FXR1: variants seen among roughly 807,000 people sequenced by gnomAD.
The protein encoded by FXR1 is RNA-binding protein FXR1.
FXR1 carries 15 observed loss-of-function variants against 84.0 expected under a neutral mutation model. That is an observed-to-expected ratio of 0.18 (90% CI 0.12 to 0.27). The LOEUF (loss-of-function observed/expected upper bound fraction) is 0.27, where lower values mean the gene tolerates loss of function less well. Ranked by LOEUF, FXR1 falls within the 10% of genes least tolerant of loss-of-function variation. FXR1 has a pLI of 1.00. For missense variants in FXR1, 480 were observed against 774.4 expected (o/e 0.62, Z 4.51); for synonymous variants, 245 against 250.7 (o/e 0.98, Z 0.21).
At chr3:180,954,649 A>T (rs1722559048) in intron 9 of FXR1, among the ~76,000 whole-genome samples, 1 of 152,154 alleles carries the variant, frequency 6.6e-6, no homozygotes, top group African/African-American at 2.4e-5. Context: ...AAGCATCAAG[A>T]TAATGTAGTG....
chr3:180,982,535 C>T lies in FXR1; in HGVS notation c.*6243C>T, dbSNP rs1011039446. On this transcript the variant is annotated 3_prime_UTR_variant, in exon 17 of 17. Coordinates refer to ENST00000357559, the MANE Select transcript of FXR1 (RefSeq NM_005087.4). ...CATTGTCTTAACACCTGTCTTAAAACGGGTATGTTGTTTGCACTGAACCCT... is the reference window on the plus strand; with the variant it reads ...CATTGTCTTAACACCTGTCTTAAAATGGGTATGTTGTTTGCACTGAACCCT... 1 of 152,082 alleles carries T rather than the reference C, an allele frequency of 6.6e-6. No homozygotes were observed. The highest frequency in any genetic ancestry group is 1.5e-5 in the Non-Finnish European group (1 of 67,972). The allele number at this position is 152,082 out of a possible 1,614,324, so 9.4% of individuals were successfully genotyped here.
intron 6 of FXR1, among the ~76,000 whole-genome samples, chr3:180,949,015 G>A (rs1209761336): frequency 6.6e-6 from 1 of 152,054 alleles, no homozygotes; most frequent in Non-Finnish European, 1.5e-5. Context: ...GTGAGATTCC[G>A]GATTTTTCCC....
intron 7 of FXR1, among the ~76,000 whole-genome samples, chr3:180,951,075 T>A (rs1722188438): frequency 6.6e-6 from 1 of 151,386 alleles, no homozygotes; most frequent in South Asian, 2.1e-4. Context: ...AAAAAAAAAT[T>A]AGCTGGGCTC....
chr3:180,922,614 A>C (rs1370917782), intron 1 of FXR1, among the ~76,000 whole-genome samples: 1 of 152,056 alleles, frequency 6.6e-6, no homozygotes, highest in Non-Finnish European at 1.5e-5. Flanking sequence ...TAGGTTATTA[A>C]TTTTGAGATA....
At position 180,953,569 on chromosome 3, in the gene FXR1, T is replaced by C. The variant is rs556658445; in HGVS notation, c.802-193T>C. On this transcript the variant is annotated intron_variant, in intron 8 of 16. Coordinates refer to ENST00000357559, the MANE Select transcript of FXR1 (RefSeq NM_005087.4). ...TTTAATAGTACTGACTGATTTGGGG[T>C]TTTTAAAAATGATTTTTTTTTAAGT... Among the ~76,000 whole-genome samples, 36 of 152,286 alleles carry C rather than the reference T, an allele frequency of 2.4e-4. 3 individuals are homozygous for C. In the South Asian group the frequency reaches 7.3e-3, roughly 31 times the overall value.
chr3:180,959,820 C>CGGA (rs771027803), intron 10 of FXR1, among the ~76,000 whole-genome samples: 1 of 152,044 alleles, frequency 6.6e-6, no homozygotes, highest in Non-Finnish European at 1.5e-5. Context: ...TGTGCTATAT[C>CGGA]CCTAGCACTT....
chr3:180,933,143 T>G, intron 1 of FXR1, 191 bp from the exon 2 acceptor site: 1 of 535,732 alleles, frequency 1.9e-6, no homozygotes, highest in Non-Finnish European at 3.3e-6. Flanking sequence ...AAAAATGAGG[T>G]TCAGAGAGGT....
chr3:180,916,672 G>T (rs1380599509), intron 1 of FXR1, among the ~76,000 whole-genome samples: 1 of 152,162 alleles, frequency 6.6e-6, no homozygotes, highest in Non-Finnish European at 1.5e-5. Flanking sequence ...CTCCCAAAGT[G>T]CTGGGATTAC....
At chr3:180,916,333 A>G (rs922597267) in intron 1 of FXR1, among the ~76,000 whole-genome samples, 1 of 152,198 alleles carries the variant, frequency 6.6e-6, no homozygotes, top group African/African-American at 2.4e-5. Context: ...TGATGTATAA[A>G]TATATATTAG....
Position 180,981,248 on chromosome 3 carries a change from G to A in FXR1, c.*4956G>A, listed in dbSNP as rs957735488. The stretch of plus-strand genomic sequence containing the variant: ...TATTTTTAGACATTTCTGATACTAG[G>A]TTTTCTTTACGGGGGGGCATACATA... On this transcript the variant is annotated 3_prime_UTR_variant, in exon 17 of 17. Transcript: ENST00000357559. The A allele has an allele frequency of 6.6e-6, 1 of 151,828 alleles. No individual in the cohort carries two copies. Among genetic ancestry groups the A allele is most frequent in the Admixed American group, 6.6e-5 (1 of 15,218 alleles). 9.4% of individuals were successfully genotyped at this position (151,828 alleles called of 1,614,324 possible). A position where few individuals can be genotyped will look rare whatever the true frequency, so the allele number is the denominator to read the frequency against.
rs905952543 is a variant in FXR1 at position 180,925,828 on chromosome 3, C to T, written c.52-7506C>T. On this transcript the variant is annotated intron_variant, in intron 1 of 16. Transcript: ENST00000357559. ...GGCAGTTCTTGGGGAAGAAAAAACC[C>T]GAGGTACTGAATTTTGCATGAATTA... Among the ~76,000 whole-genome samples the T allele has an allele frequency of 4.6e-5, 7 of 152,174 alleles. No individual in the cohort carries two copies. The East Asian group carries it at 9.6e-4, about 21-fold the overall frequency.
At chr3:180,933,087 G>T (rs1251589650) in intron 1 of FXR1, 2 of 446,756 alleles carry the variant, frequency 4.5e-6, no homozygotes, top group African/African-American at 2.1e-5. Flanking sequence ...GTGTTCCAGG[G>T]ATGTACATTT....
At chr3:180,931,547 T>A (rs1719901913) in intron 1 of FXR1, among the ~76,000 whole-genome samples, 1 of 152,018 alleles carries the variant, frequency 6.6e-6, no homozygotes. Flanking sequence ...GAGAAAGATA[T>A]CCTGGGTTTT....
At chr3:180,975,269 A>T (rs763501810) in intron 15 of FXR1, 44 bp from the exon 16 acceptor site, 6 of 764,568 alleles carry the variant, frequency 7.8e-6, no homozygotes, top group Non-Finnish European at 1.3e-5. Context: ...TAAACTTTAG[A>T]AATATTTTTT....
intron 1 of FXR1, among the ~76,000 whole-genome samples, chr3:180,930,094 C>A (rs1462874228): frequency 1.3e-5 from 2 of 152,146 alleles, no homozygotes; most frequent in Non-Finnish European, 2.9e-5. Context: ...GAAACCCAGT[C>A]TCTGCTAAAT....
In FXR1 at chr3:180,978,285, AAATCTT is replaced by A. The variant is rs941700544; in HGVS notation, c.*1996_*2001del. 4.8e-5 allele frequency: 7 copies of A among 146,636 alleles called. No individual in the cohort carries two copies. Among genetic ancestry groups the A allele is most frequent in the African/African-American group, 1.7e-4 (7 of 40,976 alleles). 9.1% of individuals were successfully genotyped at this position (146,636 alleles called of 1,614,324 possible). The stretch of plus-strand genomic sequence containing the variant: ...GGTTTCAATGGGAATGGAAGAAACA[AAATCTT>A]AAAAGAGTGAGTATAGCTGAACCAA... On this transcript the variant is annotated 3_prime_UTR_variant, in exon 17 of 17. Coordinates refer to ENST00000357559, the MANE Select transcript of FXR1 (RefSeq NM_005087.4).
intron 1 of FXR1, among the ~76,000 whole-genome samples, chr3:180,926,506 A>ATATATATATATATATTTT (rs72192827): frequency 3.2e-5 from 4 of 124,392 alleles, no homozygotes; most frequent in South Asian, 2.4e-4. Flanking sequence ...ATATATATAT[A>ATATATATATATATATTTT]TTTTTTTTTC....
chr3:180,970,749 T>G (rs1322841156), intron 15 of FXR1: 1 of 155,112 alleles, frequency 6.4e-6, no homozygotes, highest in Non-Finnish European at 1.4e-5. Context: ...TAGGCATTAA[T>G]TTTCAAGGGC....
intron 1 of FXR1, among the ~76,000 whole-genome samples, chr3:180,930,637 C>T (rs1259232581): frequency 6.6e-6 from 1 of 152,100 alleles, no homozygotes; most frequent in Non-Finnish European, 1.5e-5. Flanking sequence ...TATTCATAAA[C>T]ATGGAAATTC....
Sources: allele counts gnomAD v4.1 joint callset (sites outside exome capture counted in the v4.1 genomes callset), GRCh38; gene constraint gnomAD v4.1.1; transcripts MANE v1.5; gene names NCBI Gene and HGNC (gene_info 2026-07-23, HGNC 2026-07-21).